TIPARP: variants seen among roughly 807,000 people sequenced by gnomAD.
TIPARP encodes the protein protein mono-ADP-ribosyltransferase TIPARP.
Under a neutral mutation model 56.5 loss-of-function variants are expected in TIPARP, and 12 were observed. That is an observed-to-expected ratio of 0.21 (90% CI 0.14 to 0.34). The LOEUF (loss-of-function observed/expected upper bound fraction) is 0.34. TIPARP is among the 10% of genes least tolerant of loss of function. The probability of loss-of-function intolerance (pLI) is 1.00; values close to 1 mark genes in which losing one functional copy is unlikely to be tolerated. For missense variants in TIPARP, 604 were observed against 781.6 expected, an observed-to-expected ratio of 0.77 and a Z score of 2.71; for synonymous variants, 296 against 265.7, an observed-to-expected ratio of 1.11 and a Z score of -1.11.
intron 2 of TIPARP, among the ~76,000 whole-genome samples, chr3:156,686,175 A>T (rs1335432920): frequency 1.3e-5 from 2 of 152,182 alleles, no homozygotes; most frequent in Non-Finnish European, 2.9e-5. Flanking sequence ...TTGCTTTCTG[A>T]CATTTGGATT....
At position 156,700,912 on chromosome 3, in the gene TIPARP, T is replaced by C. The variant is rs145805860; in HGVS notation, c.1248-2512T>C. Among the ~76,000 whole-genome samples, 368 of 152,354 alleles carry C rather than the reference T, an allele frequency of 2.4e-3. 1 individual carries two copies. The highest frequency in any genetic ancestry group is 8.4e-3 in the African/African-American group (348 of 41,586). On this transcript the variant is annotated intron_variant, in intron 4 of 5. Coordinates refer to ENST00000295924, the MANE Select transcript of TIPARP (RefSeq NM_015508.5). Reference sequence around the variant, plus strand: ...CTTTGACTCCCTCTCTAGAGAAGGCTGGTGTCCGTCTGTGAAACATGCAGT... The same window carrying C: ...CTTTGACTCCCTCTCTAGAGAAGGCCGGTGTCCGTCTGTGAAACATGCAGT...
intron 2 of TIPARP, among the ~76,000 whole-genome samples, 158 bp from the exon 3 acceptor site, chr3:156,693,862 G>A (rs192753511): frequency 1.8e-4 from 27 of 152,224 alleles, no homozygotes; most frequent in Admixed American, 2.6e-4. Flanking sequence ...GGAAACAACC[G>A]GCAATAAATA....
At chr3:156,676,642 GAGA>G (rs1016078746) in intron 1 of TIPARP, 2 of 152,180 alleles carry the variant, frequency 1.3e-5, no homozygotes, top group Non-Finnish European at 2.9e-5. Flanking sequence ...TTGGACAAGA[GAGA>G]AGAGGATTAA....
At position 156,704,946 on chromosome 3, in the gene TIPARP, A is replaced by G. The variant is rs749512926; in HGVS notation, c.1789A>G (p.Thr597Ala). The change falls in exon 6 of 6, where the codon ACA (threonine) becomes GCA (alanine). Residue 597 changes from threonine to alanine, a missense_variant. By Grantham distance (58) the Thr-to-Ala change is moderately conservative. Around this residue, in one of 4 missense-constraint regions of TIPARP, gnomAD observed 77 missense variants for 161.0 expected, o/e 0.48. Transcript: ENST00000295924. ...GGCCAAAGTGCTGACGGGCAGATAC[A>G]CAATGGGCAGTCATGGCATGAGAAG... is the stretch of plus-strand genomic sequence containing the variant. ...FLAKVLTGRY[T>A]MGSHGMRRPP... 2.9e-5 allele frequency: 47 copies of G among 1,614,132 alleles called. No homozygotes were observed. Among genetic ancestry groups the G allele is most frequent in the Non-Finnish European group, 3.8e-5 (45 of 1,180,054 alleles).
At chr3:156,679,375 A>G (rs1407781591) in intron 2 of TIPARP, among the ~76,000 whole-genome samples, 3 of 113,562 alleles carry the variant, frequency 2.6e-5, no homozygotes, top group Non-Finnish European at 5.5e-5. Flanking sequence ...CTGGCAGGCA[A>G]CTGGTATTTC....
rs771541243 is a variant in TIPARP at position 156,677,726 on chromosome 3, C to T, written c.29C>T (p.Pro10Leu). 1 of 1,604,606 alleles carries T rather than the reference C, an allele frequency of 6.2e-7. No homozygotes were observed. The highest frequency in any genetic ancestry group is 1.1e-5 in the South Asian group (1 of 89,418). The change falls in exon 2 of 6, where the codon CCA becomes CTA. Residue 10 changes from proline (P) to leucine (L), a missense_variant. This residue lies in a region of TIPARP where 261 missense variants were observed against 279.2 expected (regional missense o/e 0.93). Transcript: ENST00000295924. Reference protein sequence around the residue: MEMETTEPEPDCVVQPPSPP... With the variant: MEMETTEPELDCVVQPPSPP... ...GAAATGGAAACCACCGAACCTGAGC[C>T]AGACTGTGTAGTGCAGCCTCCCTCT...
At chr3:156,692,058 G>A (rs1388334419) in intron 2 of TIPARP, among the ~76,000 whole-genome samples, 2 of 152,106 alleles carry the variant, frequency 1.3e-5, no homozygotes, top group African/African-American at 2.4e-5. Flanking sequence ...AAAAAGCATT[G>A]GCTGTTTATA....
Position 156,678,700 on chromosome 3 carries a change from T to C in TIPARP, c.917+86T>C. The C allele has an allele frequency of 1.3e-5, 16 of 1,214,716 alleles. No homozygotes were observed. In the South Asian group the frequency reaches 1.9e-4, roughly 14 times the overall value. The allele number at this position is 1,214,716 out of a possible 1,614,324, so 75.2% of individuals were successfully genotyped here. The stretch of plus-strand genomic sequence containing the variant: ...TAAAAGCTTAGTAGGGTGGTTTCTT[T>C]CAGTAGTAACAGGTTTTCTTTTTTT... On this transcript the variant is annotated intron_variant, in intron 2 of 5. Transcript: ENST00000295924.
intron 2 of TIPARP, among the ~76,000 whole-genome samples, chr3:156,683,712 A>G (rs1722360233): frequency 6.6e-6 from 1 of 152,192 alleles, no homozygotes; most frequent in Non-Finnish European, 1.5e-5. Flanking sequence ...AAACTTCATA[A>G]GTTCTTCTGT....
At chr3:156,684,056 T>C (rs1722368562) in intron 2 of TIPARP, among the ~76,000 whole-genome samples, 1 of 152,232 alleles carries the variant, frequency 6.6e-6, no homozygotes, top group African/African-American at 2.4e-5. Context: ...GAAGGAAAAC[T>C]TAGTACATGT....
At chr3:156,679,039 C>A (rs988213620) in intron 2 of TIPARP, among the ~76,000 whole-genome samples, 1 of 152,108 alleles carries the variant, frequency 6.6e-6, no homozygotes, top group East Asian at 1.9e-4. Context: ...ATAGTATTGT[C>A]GAGAGATGTT....
At chr3:156,698,225 A>C (rs1280961011) in intron 4 of TIPARP, among the ~76,000 whole-genome samples, 1 of 152,208 alleles carries the variant, frequency 6.6e-6, no homozygotes, top group African/African-American at 2.4e-5. Context: ...CATCTCTCTT[A>C]TAGAAGTGCA....
chr3:156,696,809 T>C (rs902343087), intron 4 of TIPARP, among the ~76,000 whole-genome samples: 7 of 152,208 alleles, frequency 4.6e-5, no homozygotes, highest in Non-Finnish European at 7.3e-5. Context: ...ATTTTGAAAA[T>C]GGTATAGGTT....
chr3:156,691,760 A>G (rs1577038542), intron 2 of TIPARP, among the ~76,000 whole-genome samples: 1 of 152,188 alleles, frequency 6.6e-6, no homozygotes, highest in East Asian at 1.9e-4. Context: ...TGTTTTTCAA[A>G]TTTATGATTT....
intron 2 of TIPARP, among the ~76,000 whole-genome samples, chr3:156,686,862 T>G (rs1722443603): frequency 6.6e-6 from 1 of 152,142 alleles, no homozygotes; most frequent in Non-Finnish European, 1.5e-5. Context: ...GTATTATATT[T>G]ATGTAGAAAA....
chr3:156,692,755 G>T (rs1398738943), intron 2 of TIPARP, among the ~76,000 whole-genome samples: 1 of 152,092 alleles, frequency 6.6e-6, no homozygotes, highest in Non-Finnish European at 1.5e-5. Context: ...TTTGTCTGCA[G>T]AATCTTTTGT....
In TIPARP at chr3:156,705,017, C is replaced by T. The variant is rs1220799337; in HGVS notation, c.1860C>T (p.Asp620=). The change falls in exon 6 of 6, where the codon GAC becomes GAT. Residue 620 remains aspartate (D), a synonymous_variant. Coordinates refer to ENST00000295924, the MANE Select transcript of TIPARP (RefSeq NM_015508.5). ...NPGSVTSDLY[D]SCVDNFFEPQ... Reference sequence around the variant, plus strand: ...GCAGTGTCACCAGTGACCTTTATGACTCTTGTGTGGATAATTTCTTTGAGC... The same window carrying T: ...GCAGTGTCACCAGTGACCTTTATGATTCTTGTGTGGATAATTTCTTTGAGC... 6.2e-7 allele frequency: 1 copy of T among 1,614,000 alleles called. No individual in the cohort carries two copies. The highest frequency in any genetic ancestry group is 8.5e-7 in the Non-Finnish European group (1 of 1,179,978).
chr3:156,682,806 A>G (rs1215865394), intron 2 of TIPARP, among the ~76,000 whole-genome samples: 1 of 152,230 alleles, frequency 6.6e-6, no homozygotes, highest in African/African-American at 2.4e-5. Flanking sequence ...ATTTATTTTA[A>G]AAATTTCTGC....
chr3:156,702,052 TGGTGGTG>T (rs1722858159), intron 4 of TIPARP, among the ~76,000 whole-genome samples: 1 of 106,820 alleles, frequency 9.4e-6, no homozygotes. Flanking sequence ...GTGGTGGTGG[TGGTGGTG>T]GTGGTGGTGG....
Sources: allele counts gnomAD v4.1 joint callset (sites outside exome capture counted in the v4.1 genomes callset), GRCh38; gene constraint gnomAD v4.1.1; regional missense constraint gnomAD v4.1.1; transcripts MANE v1.5; gene names NCBI Gene and HGNC (gene_info 2026-07-23, HGNC 2026-07-21).